PSME4: variants seen among roughly 807,000 people sequenced by gnomAD.
The protein encoded by PSME4 is proteasome activator subunit 4.
Under a neutral mutation model 253.9 loss-of-function variants are expected in PSME4, and 89 were observed. The observed-to-expected ratio is 0.35, with a 90% CI of 0.30 to 0.42. The LOEUF (loss-of-function observed/expected upper bound fraction) is 0.42, where lower values mean the gene tolerates loss of function less well. Ranked by LOEUF, PSME4 falls within the 10% of genes least tolerant of loss-of-function variation. The pLI is 1.00. For synonymous variants in PSME4, 851 were observed against 759.2 expected, an observed-to-expected ratio of 1.12 and a Z score of -1.99; for missense variants, 2,014 against 2,195.2, an observed-to-expected ratio of 0.92 and a Z score of 1.65.
Position 53,897,987 on chromosome 2 carries a change from A to C in PSME4, c.3489T>G (p.Phe1163Leu). ...ACAGAAGCCCAATGCCTATATGTTC[A>C]AATTTCCAGGGCCTTAAAAGGAGGA... ...GVEQRNLPWK[F>L]EHIGIGLLSL... Residue 1163 changes from phenylalanine (F) to leucine (L), a missense_variant, in exon 31 of 47, where the codon TTT (phenylalanine) becomes TTG (leucine). Phe to Leu is a conservative substitution (Grantham distance 22). This residue lies in a region of PSME4 where 989 missense variants were observed against 1,021.1 expected (regional missense o/e 0.97). Coordinates refer to ENST00000404125, the MANE Select transcript of PSME4 (RefSeq NM_014614.3). 6.2e-7 allele frequency: 1 copy of C among 1,613,826 alleles called. No individual in the cohort carries two copies. Among genetic ancestry groups the C allele is most frequent in the Non-Finnish European group, 8.5e-7 (1 of 1,179,838 alleles).
At chr2:53,963,541 T>C (rs1670587085) in intron 1 of PSME4, among the ~76,000 whole-genome samples, 1 of 152,188 alleles carries the variant, frequency 6.6e-6, no homozygotes, top group Non-Finnish European at 1.5e-5. Flanking sequence ...CTTCATTTTT[T>C]AAATGAAGGT....
chr2:53,889,896 A>C (rs1199240365), intron 37 of PSME4, among the ~76,000 whole-genome samples: 1 of 152,212 alleles, frequency 6.6e-6, no homozygotes, highest in Non-Finnish European at 1.5e-5. Context: ...AAGATGACAA[A>C]AGTATGAACA....
In PSME4 at chr2:53,926,016, C is replaced by T. The variant is rs771379763; in HGVS notation, c.1601G>A (p.Arg534Gln). The T allele has an allele frequency of 6.8e-6, 11 of 1,612,318 alleles. No homozygotes were observed. The highest frequency in any genetic ancestry group is 9.3e-6 in the Non-Finnish European group (11 of 1,178,406). The change falls in exon 13 of 47, where the codon CGA becomes CAA. Residue 534 changes from arginine (R) to glutamine (Q), a missense_variant. Physicochemically the swap from Arg to Gln is conservative, Grantham distance 43. Coordinates refer to ENST00000404125, the MANE Select transcript of PSME4 (RefSeq NM_014614.3). ...TTCAGCTGTGGCTGAACAAAGTTCTCGTTCCACCTATAATATCCCAATATG... is the reference window on the plus strand; with the variant it reads ...TTCAGCTGTGGCTGAACAAAGTTCTTGTTCCACCTATAATATCCCAATATG... Reference protein sequence around the residue: ...QERNDLTEVERELCSATAEFE... With the variant: ...QERNDLTEVEQELCSATAEFE...
At chr2:53,874,559 T>A (rs1270728230) in intron 42 of PSME4, 65 bp from the exon 43 acceptor site, 4 of 1,416,196 alleles carry the variant, frequency 2.8e-6, no homozygotes, top group African/African-American at 2.9e-5. Context: ...TGACAGATAG[T>A]GACATTACAC....
chr2:53,874,532 C>G (rs369042140), intron 42 of PSME4, 38 bp from the exon 43 acceptor site: 2 of 1,582,046 alleles, frequency 1.3e-6, no homozygotes, highest in Non-Finnish European at 1.7e-6. Flanking sequence ...TAAAGCAGTA[C>G]TGACAAGAAC....
chr2:53,887,449 G>T lies in PSME4; in HGVS notation c.4539C>A (p.Phe1513Leu), dbSNP rs778139869. Residue 1513 changes from phenylalanine (F) to leucine (L), a missense_variant, in exon 40 of 47, where the codon TTC becomes TTA. Transcript: ENST00000404125. Reference protein sequence around the residue: ...ERIGSVLTYIFMIDVSLPNTT... With the variant: ...ERIGSVLTYILMIDVSLPNTT... ...TATTTGGCAAAGATACATCTATCATGAATATGTAGGTCAGCACACTGCAAA... is the reference window on the plus strand; with the variant it reads ...TATTTGGCAAAGATACATCTATCATTAATATGTAGGTCAGCACACTGCAAA... The T allele has an allele frequency of 6.2e-7, 1 of 1,612,930 alleles. No individual in the cohort carries two copies. The highest frequency in any genetic ancestry group is 8.5e-7 in the Non-Finnish European group (1 of 1,179,008).
chr2:53,941,606 G>GTC (rs1365403252), intron 3 of PSME4, among the ~76,000 whole-genome samples: 4 of 151,992 alleles, frequency 2.6e-5, no homozygotes, highest in African/African-American at 9.7e-5. Context: ...TTATATCAGA[G>GTC]TAACAAAAAG....
intron 34 of PSME4, among the ~76,000 whole-genome samples, chr2:53,894,175 A>C (rs1680037574): frequency 6.6e-6 from 1 of 152,234 alleles, no homozygotes; most frequent in South Asian, 2.1e-4. Flanking sequence ...TAACACCAGA[A>C]GTTAAAAGGC....
intron 7 of PSME4, among the ~76,000 whole-genome samples, chr2:53,935,831 T>C (rs1465797126): frequency 6.6e-6 from 1 of 152,068 alleles, no homozygotes; most frequent in Non-Finnish European, 1.5e-5. Context: ...GGAATTGGCA[T>C]AGAAAAAACG....
intron 1 of PSME4, among the ~76,000 whole-genome samples, chr2:53,969,502 G>C (rs887056582): frequency 1.3e-5 from 2 of 152,122 alleles, no homozygotes; most frequent in African/African-American, 4.8e-5. Flanking sequence ...CTGAATGAGT[G>C]AGTTATGTCT....
In PSME4 at chr2:53,906,801, T is replaced by A. The variant is rs1680680496; in HGVS notation, c.2847+5A>T. 1 of 1,612,922 alleles carries A rather than the reference T, an allele frequency of 6.2e-7. No individual in the cohort carries two copies. Among genetic ancestry groups the A allele is most frequent in the East Asian group, 2.2e-5 (1 of 44,844 alleles). On this transcript the variant is annotated splice_donor_5th_base_variant and intron_variant, in intron 25 of 46. Coordinates refer to ENST00000404125, the MANE Select transcript of PSME4 (RefSeq NM_014614.3). Reference sequence around the variant, plus strand: ...AAAGTCACTATGACTGAAAAACATATTTACCTCATGCTGTAACATTACTCT... The same window carrying A: ...AAAGTCACTATGACTGAAAAACATAATTACCTCATGCTGTAACATTACTCT...
chr2:53,903,371 A>G (rs1267695400), intron 27 of PSME4, among the ~76,000 whole-genome samples: 1 of 152,126 alleles, frequency 6.6e-6, no homozygotes, highest in Non-Finnish European at 1.5e-5. Flanking sequence ...CAGTCCCCTC[A>G]TATTCAATCA....
At position 53,874,529 on chromosome 2, in the gene PSME4, G is replaced by C. The variant is rs747914158; in HGVS notation, c.4945-35C>G. 4.4e-6 allele frequency: 7 copies of C among 1,588,982 alleles called. No homozygotes were observed. In the East Asian group the frequency reaches 9.0e-5, roughly 20 times the overall value. On this transcript the variant is annotated intron_variant, in intron 42 of 46. Coordinates refer to ENST00000404125, the MANE Select transcript of PSME4 (RefSeq NM_014614.3). ...ACAAATAAATATAAACGATAAAGCA[G>C]TACTGACAAGAACATGAGATGACAG...
Position 53,928,254 on chromosome 2 carries a change from T to C in PSME4, c.1366A>G (p.Thr456Ala). 1 of 1,614,168 alleles carries C rather than the reference T, an allele frequency of 6.2e-7. No individual in the cohort carries two copies. The highest frequency in any genetic ancestry group is 8.5e-7 in the Non-Finnish European group (1 of 1,180,002). Residue 456 changes from threonine to alanine, a missense_variant, in exon 11 of 47, where the codon ACT becomes GCT. Thr to Ala is a moderately conservative substitution (Grantham distance 58). This residue lies in a region of PSME4 where 615 missense variants were observed against 594.4 expected (regional missense o/e 1.03). Coordinates refer to ENST00000404125, the MANE Select transcript of PSME4 (RefSeq NM_014614.3). ...GCTACTCCAATTACACAACTTAAAG[T>C]AGCTGTGAGCTGGTGAGGTTCTGTT... is the stretch of plus-strand genomic sequence containing the variant. ...TLTEPHQLTATLSCVIGVARS... is the reference protein window; with the variant it reads ...TLTEPHQLTAALSCVIGVARS...
chr2:53,932,706 T>C lies in PSME4; in HGVS notation c.1012A>G (p.Thr338Ala). 4 of 1,614,002 alleles carry C rather than the reference T, an allele frequency of 2.5e-6. No homozygotes were observed. The highest frequency in any genetic ancestry group is 3.4e-6 in the Non-Finnish European group (4 of 1,179,880). ...KHLAGLFNSI[T>A]SFYHPSNNGR... ...TTATTTGAAGGATGGTAAAAAGATG[T>C]GATGCTGTTAAACAAACCAGCTAAG... Residue 338 changes from threonine to alanine, a missense_variant, in exon 9 of 47, where the codon ACA becomes GCA. Around this residue, in one of 4 missense-constraint regions of PSME4, gnomAD observed 615 missense variants for 594.4 expected, o/e 1.03. Transcript: ENST00000404125.
intron 1 of PSME4, among the ~76,000 whole-genome samples, chr2:53,968,042 G>A (rs1272441933): frequency 1.3e-5 from 2 of 152,114 alleles, no homozygotes; most frequent in Non-Finnish European, 2.9e-5. Context: ...GGAGGCCGAG[G>A]TGGGCAGATT....
At chr2:53,942,105 C>T (rs557099748) in intron 3 of PSME4, 6 of 152,644 alleles carry the variant, frequency 3.9e-5, no homozygotes, top group East Asian at 1.9e-4. Context: ...AAATATAAGG[C>T]CTGTACCATT....
chr2:53,898,739 A>G (rs1680257485), intron 29 of PSME4, among the ~76,000 whole-genome samples: 1 of 152,138 alleles, frequency 6.6e-6, no homozygotes, highest in African/African-American at 2.4e-5. Flanking sequence ...ACATTTTAGA[A>G]AACAACAAAG....
At chr2:53,896,742 T>C (rs1573235195) in intron 32 of PSME4, 62 bp downstream of exon 32, 3 of 1,289,068 alleles carry the variant, frequency 2.3e-6, no homozygotes, top group East Asian at 2.3e-5. Context: ...AATTTATACA[T>C]GTCAAGAAAA....
Sources: gnomAD v4.1 joint callset for allele counts (sites outside exome capture counted in the v4.1 genomes callset) on GRCh38, gnomAD v4.1.1 for gene constraint, gnomAD v4.1.1 regional missense constraint, MANE v1.5 for transcripts, NCBI Gene and HGNC (gene_info 2026-07-23, HGNC 2026-07-21) for gene names.